Variants in PDE4C observed in about 807,000 individuals in gnomAD.
The protein encoded by PDE4C is phosphodiesterase 4C.
A neutral mutation model predicts 63.9 loss-of-function variants in PDE4C; 50 were observed. The ratio of observed to expected loss-of-function variants is 0.78; its 90% CI spans 0.62 to 0.99. The LOEUF (loss-of-function observed/expected upper bound fraction) is 0.99, where lower values mean the gene tolerates loss of function less well. PDE4C is among the 50% of genes least tolerant of loss of function. The pLI is 0.00. For missense variants in PDE4C, 777 were observed against 899.1 expected (o/e 0.86, Z 1.74); for synonymous variants, 377 against 385.1 (o/e 0.98, Z 0.25).
Position 18,219,371 on chromosome 19 carries a change from T to A in PDE4C, c.733A>T (p.Lys245Ter). Residue 245 changes from lysine (K) to a stop codon, truncating the protein, a stop_gained, in exon 8 of 15, where the codon AAG becomes TAG. Transcript: ENST00000262805. LOFTEE classifies it high-confidence loss of function. ...TGTGGGGCCTCCTCAGCGGTCACCT[T>A]GGGCAGCTCCACCTCGGTCTGCTGG... 6.2e-7 allele frequency: 1 copy of A among 1,610,966 alleles called. No homozygotes were observed. Among genetic ancestry groups the A allele is most frequent in the Non-Finnish European group, 8.5e-7 (1 of 1,178,278 alleles).
At chr19:18,232,815 T>C (rs1211003049) in intron 1 of PDE4C, 3 of 1,087,970 alleles carry the variant, frequency 2.8e-6, no homozygotes, top group Non-Finnish European at 3.7e-6. Flanking sequence ...AAATAGCTTT[T>C]TCCTTCCAGG....
upstream of PDE4C, chr19:18,226,492 A>G: frequency 8.1e-7 from 1 of 1,240,778 alleles, no homozygotes; most frequent in Non-Finnish European, 1.0e-6. Context: ...GGCGGGGCCC[A>G]GCGGGGAGGG....
At chr19:18,240,204 C>T (rs557480086) in intron 1 of PDE4C, among the ~76,000 whole-genome samples, 4 of 151,890 alleles carry the variant, frequency 2.6e-5, no homozygotes, top group Admixed American at 2.6e-4. Context: ...AGTCCCAGCA[C>T]TTTGGGAGGT....
At chr19:18,224,986 T>C (rs1968664083) in intron 1 of PDE4C, among the ~76,000 whole-genome samples, 1 of 152,094 alleles carries the variant, frequency 6.6e-6, no homozygotes, top group Admixed American at 6.5e-5. Flanking sequence ...TGTGGACAAA[T>C]AGGGAAACTG....
Position 18,220,047 on chromosome 19 carries a change from T to C in PDE4C, c.706+179A>G, listed in dbSNP as rs115891560. Among the ~76,000 whole-genome samples the C allele has an allele frequency of 1.6e-3, 249 of 152,290 alleles. 4 individuals are homozygous for C. Among genetic ancestry groups the C allele is most frequent in the African/African-American group, 5.4e-3 (223 of 41,562 alleles). On this transcript the variant is annotated intron_variant, in intron 7 of 14. Coordinates refer to ENST00000262805, the Ensembl canonical transcript of PDE4C. This position sits in a 1 kb window ranked among gnomAD's most constrained non-coding sequence, Gnocchi z 5.1. ...TCATGCTTCAAAACCGTAGCTTTAA[T>C]GTCCCCTGCTCCTGGAAGTTCCCCT...
At chr19:18,223,391 G>A (rs1326376414) in intron 1 of PDE4C, among the ~76,000 whole-genome samples, 2 of 151,988 alleles carry the variant, frequency 1.3e-5, no homozygotes, top group African/African-American at 2.4e-5. Flanking sequence ...TGTATTTTTA[G>A]TAGAGACGGG....
chr19:18,253,741 C>A, the PDE4C span, among the ~76,000 whole-genome samples: 1 of 152,186 alleles, frequency 6.6e-6, no homozygotes, highest in South Asian at 2.1e-4. Flanking sequence ...CCGGAACCCA[C>A]CCTTCTACGT....
upstream of PDE4C, chr19:18,226,493 G>A (rs1968733010): frequency 1.6e-6 from 2 of 1,237,418 alleles, no homozygotes. Context: ...GCGGGGCCCA[G>A]CGGGGAGGGG....
upstream of PDE4C, among the ~76,000 whole-genome samples, chr19:18,227,264 C>T (rs371856855): frequency 3.3e-5 from 5 of 152,260 alleles, no homozygotes; most frequent in South Asian, 8.3e-4. Context: ...GACGCGGTCA[C>T]GGGCATGGGT....
At chr19:18,211,851 C>T in exon 14 of PDE4C, 11 of 1,614,268 alleles carry the variant, frequency 6.8e-6, no homozygotes, top group Non-Finnish European at 9.3e-6. Context: ...TGGAAGAACT[C>T]GGCCATGATG....
chr19:18,255,361 G>A, the PDE4C span: 1 of 398,704 alleles, frequency 2.5e-6, no homozygotes, highest in East Asian at 3.6e-5. The surrounding 1 kb of genome is among the most constrained non-coding windows in gnomAD (Gnocchi z 4.6). Flanking sequence ...GGCCAGGTGT[G>A]TGCCCAGGTG....
chr19:18,217,995 T>C (rs1293615211), intron 11 of PDE4C, among the ~76,000 whole-genome samples, 154 bp downstream of exon 11: 1 of 152,144 alleles, frequency 6.6e-6, no homozygotes, highest in Non-Finnish European at 1.5e-5. Context: ...CCAGACCTGC[T>C]CCAAGACCCT....
At chr19:18,227,520 G>T (rs945550467), upstream of PDE4C, among the ~76,000 whole-genome samples, 3 of 152,194 alleles carry the variant, frequency 2.0e-5, no homozygotes, top group Non-Finnish European at 4.4e-5. Flanking sequence ...GGACTGGGGG[G>T]GGCCTCTGGT....
chr19:18,221,511 T>C (rs1304937111), intron 2 of PDE4C, among the ~76,000 whole-genome samples: 1 of 152,152 alleles, frequency 6.6e-6, no homozygotes, highest in Non-Finnish European at 1.5e-5. Flanking sequence ...ATGGGGAAAC[T>C]GAGTCCTAGG....
At chr19:18,213,319 TA>T in intron 13 of PDE4C, 48 bp downstream of exon 13, 1 of 1,504,764 alleles carries the variant, frequency 6.6e-7, no homozygotes, top group Non-Finnish European at 8.9e-7. Context: ...ATAAATAAAG[TA>T]AAACCAAAAT....
At chr19:18,248,443 G>A (rs1326061564), upstream of PDE4C, among the ~76,000 whole-genome samples, 1 of 150,744 alleles carries the variant, frequency 6.6e-6, no homozygotes, top group South Asian at 2.1e-4. Context: ...GGGCGGGGAG[G>A]GCAGAGGAAG....
At position 18,219,263 on chromosome 19, in the gene PDE4C, G is replaced by A; in HGVS notation, c.841C>T (p.Gln281Ter). ...GCCAGTTGCTCCTCCTGGTCAGTCTGGACCCCAAAGCGTGGGACAGTGGCT... is the reference window on the plus strand; with the variant it reads ...GCCAGTTGCTCCTCCTGGTCAGTCTAGACCCCAAAGCGTGGGACAGTGGCT... Residue 281 changes from glutamine (Q) to a stop codon, truncating the protein, a stop_gained, in exon 8 of 15, where the codon CAG becomes TAG. Coordinates refer to ENST00000262805, the Ensembl canonical transcript of PDE4C. LOFTEE classifies it high-confidence loss of function. The A allele has an allele frequency of 3.1e-6, 5 of 1,614,178 alleles. No homozygotes were observed. The highest frequency in any genetic ancestry group is 4.2e-6 in the Non-Finnish European group (5 of 1,180,034).
At chr19:18,216,790 T>C (rs1164172649) in exon 12 of PDE4C, 1 of 1,610,898 alleles carries the variant, frequency 6.2e-7, no homozygotes. Context: ...GGCGCTGAGG[T>C]TCTGGAAGAT....
intron 13 of PDE4C, among the ~76,000 whole-genome samples, chr19:18,212,625 C>T (rs1294265842): frequency 6.6e-6 from 1 of 152,006 alleles, no homozygotes; most frequent in African/African-American, 2.4e-5. Context: ...CAGGCATGAG[C>T]CACTGCGCCC....
Sources: allele counts gnomAD v4.1 joint callset (sites outside exome capture counted in the v4.1 genomes callset), GRCh38; gene constraint gnomAD v4.1.1; non-coding constraint Gnocchi (gnomAD v3.1); transcripts MANE v1.5; gene names NCBI Gene and HGNC (gene_info 2026-07-23, HGNC 2026-07-21).